Variants in NRXN3 observed in about 807,000 individuals in gnomAD.
The protein encoded by NRXN3 is neurexin III.
NRXN3 carries 32 observed loss-of-function variants against 137.6 expected under a neutral mutation model. The ratio of observed to expected loss-of-function variants is 0.23; its 90% CI spans 0.18 to 0.31. The LOEUF (loss-of-function observed/expected upper bound fraction) is 0.31. Ranked by LOEUF, NRXN3 falls within the 10% of genes least tolerant of loss-of-function variation. The pLI, the probability that NRXN3 is intolerant of heterozygous loss-of-function variation, is 1.00. For synonymous variants in NRXN3, 798 were observed against 784.5 expected (o/e 1.02, Z -0.29); for missense variants, 1,574 against 2,062.5 (o/e 0.76, Z 4.59).
At chr14:79,158,127 C>A (rs1476331921) in intron 15 of NRXN3, among the ~76,000 whole-genome samples, 2 of 151,606 alleles carry the variant, frequency 1.3e-5, no homozygotes, top group African/African-American at 2.4e-5. Flanking sequence ...TACTCAAATG[C>A]AGGTTGATTT....
chr14:78,458,711 T>G (rs931822772), intron 4 of NRXN3, among the ~76,000 whole-genome samples: 2 of 152,254 alleles, frequency 1.3e-5, no homozygotes, highest in African/African-American at 4.8e-5. Context: ...CCATGAGAAC[T>G]GTAGCTATTA....
chr14:79,567,818 A>T (rs1255273977), intron 16 of NRXN3, among the ~76,000 whole-genome samples: 1 of 152,114 alleles, frequency 6.6e-6, no homozygotes, highest in Non-Finnish European at 1.5e-5. Context: ...TCTGGATGTA[A>T]GTTTGGGAAC....
intron 6 of NRXN3, among the ~76,000 whole-genome samples, chr14:78,700,188 C>A (rs2098265649): frequency 6.6e-6 from 1 of 152,146 alleles, no homozygotes; most frequent in Non-Finnish European, 1.5e-5. Flanking sequence ...GCTAAAGATA[C>A]AGTGGTTATT....
chr14:78,450,313 A>G (rs1482048074), intron 4 of NRXN3, among the ~76,000 whole-genome samples: 1 of 152,238 alleles, frequency 6.6e-6, no homozygotes, highest in Non-Finnish European at 1.5e-5. Context: ...GAAAATAAAC[A>G]TTACAAAGTG....
chr14:79,443,562 C>G (rs1356041069), intron 15 of NRXN3, among the ~76,000 whole-genome samples: 1 of 152,110 alleles, frequency 6.6e-6, no homozygotes, highest in African/African-American at 2.4e-5. Context: ...ATATTATAGT[C>G]CAGCCAACAG....
chr14:79,407,202 T>C (rs372400429), intron 15 of NRXN3, among the ~76,000 whole-genome samples: 1 of 152,210 alleles, frequency 6.6e-6, no homozygotes, highest in African/African-American at 2.4e-5. Context: ...TGTGTCTCCA[T>C]ATTTGACTTT....
At position 78,714,748 on chromosome 14, in the gene NRXN3, C is replaced by T. The variant is rs767477075; in HGVS notation, c.1661-8C>T. 6.2e-7 allele frequency: 1 copy of T among 1,608,184 alleles called. No individual in the cohort carries two copies. Among genetic ancestry groups the T allele is most frequent in the Non-Finnish European group, 8.5e-7 (1 of 1,175,098 alleles). The stretch of plus-strand genomic sequence containing the variant: ...CAGACTCACCTGAGATCTGTCTTCC[C>T]ACCCCAGGTACTATATCAGTGAACA... On this transcript the variant is annotated splice_polypyrimidine_tract_variant and splice_region_variant and intron_variant, in intron 7 of 20. Coordinates refer to ENST00000335750, the MANE Select transcript of NRXN3 (RefSeq NM_001330195.2).
At chr14:78,769,533 A>G (rs1035996118) in intron 8 of NRXN3, among the ~76,000 whole-genome samples, 25 of 152,200 alleles carry the variant, frequency 1.6e-4, no homozygotes, top group African/African-American at 6.0e-4. Context: ...CTAAGGACAT[A>G]GCACTGCAAA....
intron 15 of NRXN3, among the ~76,000 whole-genome samples, chr14:79,071,347 T>C (rs2099687452): frequency 6.6e-6 from 1 of 152,210 alleles, no homozygotes; most frequent in African/African-American, 2.4e-5. Flanking sequence ...ACCTGTCATC[T>C]ACATTAGGTA....
intron 4 of NRXN3, among the ~76,000 whole-genome samples, chr14:78,507,705 C>T (rs1040077899): frequency 6.6e-6 from 1 of 152,118 alleles, no homozygotes; most frequent in Non-Finnish European, 1.5e-5. Flanking sequence ...CTGTTAGCCT[C>T]TAATTAAGAT....
Position 79,502,358 on chromosome 14 carries a change from TTTTTCTTATTTGAGC to T in NRXN3, c.3444+34957_3444+34971del, listed in dbSNP as rs1222850975. ...GCAGACCCTCCGAGTGAAGTACCTT[TTTTTCTTATTTGAGC>T]CTGCTCTGCATTGAGGGAGAGTTTG... On this transcript the variant is annotated intron_variant, in intron 16 of 20. Transcript: ENST00000335750. Among the ~76,000 whole-genome samples, 4 of 152,256 alleles carry T rather than the reference TTTTTCTTATTTGAGC, an allele frequency of 2.6e-5. No individual in the cohort carries two copies. The East Asian group carries it at 5.8e-4, about 22-fold the overall frequency.
At chr14:78,574,860 A>T (rs114938612) in intron 4 of NRXN3, among the ~76,000 whole-genome samples, 1,771 of 152,322 alleles carry the variant, frequency 0.012, 36 homozygotes, top group African/African-American at 0.041. Context: ...CCGCACAAGA[A>T]TTATTACAAT....
intron 10 of NRXN3, among the ~76,000 whole-genome samples, chr14:78,860,287 G>T (rs963286303): frequency 3.3e-5 from 5 of 152,072 alleles, no homozygotes; most frequent in Admixed American, 1.3e-4. Flanking sequence ...GGAGAGTGAG[G>T]CTTGATGGGA....
At chr14:79,143,531 G>A (rs775434075) in intron 15 of NRXN3, among the ~76,000 whole-genome samples, 10 of 152,190 alleles carry the variant, frequency 6.6e-5, no homozygotes, top group Non-Finnish European at 8.8e-5. Context: ...CTTAAATCAA[G>A]CTTGAAGGGA....
intron 19 of NRXN3, among the ~76,000 whole-genome samples, chr14:79,791,022 A>C (rs762741986): frequency 2.0e-5 from 3 of 152,142 alleles, no homozygotes; most frequent in Non-Finnish European, 4.4e-5. Flanking sequence ...GCCATTCATG[A>C]GGGATCCACC....
chr14:78,592,812 C>G (rs1198896427), intron 4 of NRXN3, among the ~76,000 whole-genome samples: 4 of 152,180 alleles, frequency 2.6e-5, no homozygotes, highest in Non-Finnish European at 5.9e-5. Flanking sequence ...GACTCGATAA[C>G]TAAACAATAT....
At chr14:78,274,395 A>T (rs557173401) in intron 2 of NRXN3, among the ~76,000 whole-genome samples, 2 of 152,230 alleles carry the variant, frequency 1.3e-5, no homozygotes, top group Non-Finnish European at 2.9e-5. Context: ...AAAGCCCCTT[A>T]TAAAACCATC....
chr14:78,305,821 A>G (rs1187742909), intron 4 of NRXN3, among the ~76,000 whole-genome samples: 1 of 152,180 alleles, frequency 6.6e-6, no homozygotes, highest in East Asian at 1.9e-4. Flanking sequence ...TGTCCTCTTG[A>G]CAGTGAATAT....
chr14:78,410,579 G>C (rs1040169906), intron 4 of NRXN3, among the ~76,000 whole-genome samples: 5 of 152,224 alleles, frequency 3.3e-5, no homozygotes, highest in African/African-American at 1.2e-4. Flanking sequence ...TACAGATGGT[G>C]TTGGTTGGGT....
Sources: allele counts gnomAD v4.1 joint callset (sites outside exome capture counted in the v4.1 genomes callset), GRCh38; gene constraint gnomAD v4.1.1; transcripts MANE v1.5; gene names NCBI Gene and HGNC (gene_info 2026-07-23, HGNC 2026-07-21).